TRIM63: variants seen among roughly 807,000 people sequenced by gnomAD.
TRIM63 encodes the protein E3 ubiquitin-protein ligase TRIM63.
Under a neutral mutation model 46.0 loss-of-function variants are expected in TRIM63, and 48 were observed. That is an observed-to-expected ratio of 1.04 (90% CI 0.83 to 1.33). The LOEUF is 1.33. Among genes scored for constraint, TRIM63 ranks in the 40% most tolerant of loss-of-function variants. The pLI is 0.00. For synonymous variants in TRIM63, 175 were observed against 162.8 expected (o/e 1.08, Z -0.57); for missense variants, 455 against 441.2 (o/e 1.03, Z -0.28).
In TRIM63 at chr1:26,057,752, C is replaced by T. The variant is rs554564225; in HGVS notation, c.832-102G>A. On this transcript the variant is annotated intron_variant, in intron 5 of 8. Transcript: ENST00000374272. The stretch of plus-strand genomic sequence containing the variant: ...GGTGTTGTAGGTAGATATTTGGTGC[C>T]ATTCCCTAGCCCAGTTGTGACCTGC... 15 of 1,274,572 alleles carry T rather than the reference C, an allele frequency of 1.2e-5. No homozygotes were observed. The East Asian group carries it at 3.6e-4, about 31-fold the overall frequency. The allele number at this position is 1,274,572 out of a possible 1,614,324, so 79.0% of individuals were successfully genotyped here.
rs752993350 is a variant in TRIM63 at position 26,058,632 on chromosome 1, G to A, written c.598-9C>T. On this transcript the variant is annotated splice_polypyrimidine_tract_variant and intron_variant, in intron 4 of 8. Coordinates refer to ENST00000374272, the MANE Select transcript of TRIM63 (RefSeq NM_032588.4). ...ACCTGGTGACTGTTCTCCTGAGGAC[G>A]GAAGTCTTGTGGTCACGTTCTGTAG... 9.3e-6 allele frequency: 15 copies of A among 1,612,986 alleles called. No individual in the cohort carries two copies. The highest frequency in any genetic ancestry group is 6.6e-5 in the South Asian group (6 of 91,036).
In TRIM63 at chr1:26,067,619, T is replaced by C; in HGVS notation, c.-125A>G. 1.9e-6 allele frequency: 2 copies of C among 1,076,366 alleles called. No individual in the cohort carries two copies. Among genetic ancestry groups the C allele is most frequent in the Non-Finnish European group, 2.6e-6 (2 of 760,234 alleles). The allele number at this position is 1,076,366 out of a possible 1,614,324, so 66.7% of individuals were successfully genotyped here. On this transcript the variant is annotated 5_prime_UTR_variant, in exon 1 of 9. Transcript: ENST00000374272. ...GATCCTGTTGGCTTCCTTCTCCTGG[T>C]GCCCGAATTCTGTCTTGGTCTGAGG...
At chr1:26,058,364 A>C in intron 5 of TRIM63, 26 bp downstream of exon 5, 1 of 1,602,778 alleles carries the variant, frequency 6.2e-7, no homozygotes. Flanking sequence ...AACTGACCCC[A>C]CCCAGACCCT....
intron 2 of TRIM63, among the ~76,000 whole-genome samples, chr1:26,062,758 T>C (rs1157293419): frequency 2.6e-5 from 4 of 152,072 alleles, no homozygotes; most frequent in Non-Finnish European, 4.4e-5. Context: ...CATTGGGGCC[T>C]GGGGGGGATT....
rs183036213 is a variant in TRIM63 at position 26,058,597 on chromosome 1, C to T, written c.624G>A (p.Glu208=). The change falls in exon 5 of 9, where the codon GAG becomes GAA. Residue 208 remains glutamate, a synonymous_variant. Transcript: ENST00000374272. ...ACAACGTGTCAAACTTCTGGCTCAG[C>T]TCTTCCTTTACCTGGTGACTGTTCT... ...TKENSHQVKE[E]LSQKFDTLYA... is the part of the protein sequence containing the mutation. 4.2e-5 allele frequency: 68 copies of T among 1,614,188 alleles called. No individual in the cohort carries two copies. The East Asian group carries it at 5.1e-4, about 12-fold the overall frequency.
At chr1:26,065,017 T>TTGTGTGTGTG (rs147938449) in intron 2 of TRIM63, among the ~76,000 whole-genome samples, 91 of 149,586 alleles carry the variant, frequency 6.1e-4, no homozygotes, top group African/African-American at 2.1e-3. Flanking sequence ...TTGTGTTGTG[T>TTGTGTGTGTG]TGTGTGTGTG....
chr1:26,052,260 C>T (rs1252112829), intron 8 of TRIM63, among the ~76,000 whole-genome samples: 2 of 152,194 alleles, frequency 1.3e-5, no homozygotes, highest in East Asian at 1.9e-4. Context: ...TACTGTTAGA[C>T]CCCCATACAC....
chr1:26,057,441 G>C, intron 6 of TRIM63, 114 bp from the exon 7 acceptor site: 3 of 1,458,148 alleles, frequency 2.1e-6, no homozygotes, highest in South Asian at 2.7e-5. Flanking sequence ...CCCCTGGAGG[G>C]ATGGAGTATT....
intron 7 of TRIM63, among the ~76,000 whole-genome samples, 160 bp downstream of exon 7, chr1:26,057,043 A>G (rs1429926122): frequency 2.6e-5 from 4 of 152,194 alleles, no homozygotes; most frequent in Admixed American, 2.6e-4. Flanking sequence ...GATTACAGGC[A>G]TGAGCCACCA....
chr1:26,067,220 T>C, intron 1 of TRIM63, 116 bp downstream of exon 1: 1 of 1,329,122 alleles, frequency 7.5e-7, no homozygotes. Flanking sequence ...CTGCAGGGGT[T>C]CACTTCCAAG....
At chr1:26,059,441 G>A (rs1022392639) in intron 4 of TRIM63, among the ~76,000 whole-genome samples, 2 of 152,130 alleles carry the variant, frequency 1.3e-5, no homozygotes, top group Non-Finnish European at 2.9e-5. Context: ...ACCAAGACTG[G>A]ATTCGGGAAG....
intron 3 of TRIM63, among the ~76,000 whole-genome samples, chr1:26,060,850 G>A (rs1021672230): frequency 1.3e-5 from 2 of 152,178 alleles, no homozygotes; most frequent in Non-Finnish European, 2.9e-5. Context: ...GAGAAGAGGT[G>A]AGAGGCACAG....
At chr1:26,063,045 C>A (rs1486904695) in intron 2 of TRIM63, among the ~76,000 whole-genome samples, 1 of 147,974 alleles carries the variant, frequency 6.8e-6, no homozygotes, top group Non-Finnish European at 1.5e-5. Context: ...GCGTGATCCA[C>A]AGCACCCAGC....
chr1:26,057,268 A>G lies in TRIM63; in HGVS notation c.914T>C (p.Met305Thr). The change falls in exon 7 of 9, where the codon ATG (methionine) becomes ACG (threonine). Residue 305 changes from methionine to threonine, a missense_variant. Physicochemically the swap from Met to Thr is moderately conservative, Grantham distance 81 (BLOSUM62 -1). Transcript: ENST00000374272. ...LGKTEQGFENMDFFTLDLEHI... is the reference protein window; with the variant it reads ...LGKTEQGFENTDFFTLDLEHI... Reference sequence around the variant, plus strand: ...CTCTAAATCCAAAGTAAAGAAGTCCATGTTCTCAAAGCCCTGCTCTGTCTT... The same window carrying G: ...CTCTAAATCCAAAGTAAAGAAGTCCGTGTTCTCAAAGCCCTGCTCTGTCTT... The G allele has an allele frequency of 1.2e-6, 2 of 1,614,172 alleles. No homozygotes were observed. The highest frequency in any genetic ancestry group is 1.3e-5 in the African/African-American group (1 of 75,044).
In TRIM63 at chr1:26,066,431, G is replaced by T. The variant is rs1426046211; in HGVS notation, c.169C>A (p.Pro57Thr). The change falls in exon 2 of 9, where the codon CCC (proline) becomes ACC (threonine). Residue 57 changes from proline (P) to threonine (T), a missense_variant. By Grantham distance (38) the Pro-to-Thr change is conservative (BLOSUM62 -1). Coordinates refer to ENST00000374272, the MANE Select transcript of TRIM63 (RefSeq NM_032588.4). ...GAGCTGCCCCGGCTGGTCCAGTAGG[G>T]ATTTGCAGCCTGCAGGTGGCAAAGG... Reference protein sequence around the residue: ...CANDIFQAANPYWTSRGSSVS... With the variant: ...CANDIFQAANTYWTSRGSSVS... 2 of 1,581,824 alleles carry T rather than the reference G, an allele frequency of 1.3e-6. No individual in the cohort carries two copies. The highest frequency in any genetic ancestry group is 8.6e-7 in the Non-Finnish European group (1 of 1,161,524).
rs1218333291 is a variant in TRIM63, at chr1:26,051,772, C to G, written c.*101G>C. 17 of 738,320 alleles carry G rather than the reference C, an allele frequency of 2.3e-5. No individual in the cohort carries two copies. 45.7% of individuals were successfully genotyped at this position (738,320 alleles called of 1,614,324 possible). ...CACCTCCCCATTGCCCCTCCAGGGG[C>G]CCCGACCCCTCCCACCCTGGGCCTG... On this transcript the variant is annotated 3_prime_UTR_variant, in exon 9 of 9. Coordinates refer to ENST00000374272, the MANE Select transcript of TRIM63 (RefSeq NM_032588.4).
intron 2 of TRIM63, 41 bp downstream of exon 2, chr1:26,066,227 C>G (rs1219577338): frequency 6.2e-7 from 1 of 1,610,454 alleles, no homozygotes; most frequent in Admixed American, 1.7e-5. Flanking sequence ...CACAGCATGG[C>G]TGGGAAGGAG....
chr1:26,060,802 C>G (rs2124440529), intron 3 of TRIM63, among the ~76,000 whole-genome samples: 1 of 152,226 alleles, frequency 6.6e-6, no homozygotes, highest in Non-Finnish European at 1.5e-5. Context: ...GGAGAAGGCT[C>G]TAAGCTGCCT....
chr1:26,060,582 G>A (rs2050614830), intron 3 of TRIM63, among the ~76,000 whole-genome samples: 1 of 152,228 alleles, frequency 6.6e-6, no homozygotes, highest in African/African-American at 2.4e-5. Context: ...CAGCAGGCAA[G>A]TGAGCTGCCC....
Sources: allele counts gnomAD v4.1 joint callset (sites outside exome capture counted in the v4.1 genomes callset), GRCh38; gene constraint gnomAD v4.1.1; transcripts MANE v1.5; gene names NCBI Gene and HGNC (gene_info 2026-07-23, HGNC 2026-07-21).